GAD2: variants seen among roughly 807,000 people sequenced by gnomAD.
The protein encoded by GAD2 is glutamate decarboxylase 2, also known as 65 kDa glutamic acid decarboxylase.
Under a neutral mutation model 80.1 loss-of-function variants are expected in GAD2, and 22 were observed. The ratio of observed to expected loss-of-function variants is 0.27; its 90% confidence interval spans 0.20 to 0.39. GAD2 has a LOEUF of 0.39. Among genes scored for constraint, GAD2 ranks in the 10% least tolerant of loss-of-function variants. GAD2 has a pLI of 1.00. For synonymous variants in GAD2, 274 were observed against 256.9 expected (o/e 1.07, Z -0.64); for missense variants, 624 against 738.4 (o/e 0.85, Z 1.80).
intron 8 of GAD2, among the ~76,000 whole-genome samples, chr10:26,261,914 A>C (rs997559762): frequency 6.6e-6 from 1 of 152,214 alleles, no homozygotes; most frequent in Non-Finnish European, 1.5e-5. Flanking sequence ...AGTTGTGCTA[A>C]AAGGATTTCC....
intron 8 of GAD2, among the ~76,000 whole-genome samples, chr10:26,263,466 G>T (rs1047623118): frequency 1.3e-5 from 2 of 152,102 alleles, no homozygotes; most frequent in African/African-American, 4.8e-5. Flanking sequence ...TACCCATGTT[G>T]GTATCAGCTA....
At position 26,284,564 on chromosome 10, in the gene GAD2, C is replaced by CTTTTTT. The variant is rs35046451; in HGVS notation, c.1237-1763_1237-1758dup. On this transcript the variant is annotated intron_variant, in intron 12 of 15. Transcript: ENST00000376261. ...CAGTAATGAGACTGCGGCTGTTCAG[C>CTTTTTT]TTTTTTTTTTTTTTTTTTTTTTTGA... Among the ~76,000 whole-genome samples, 62 of 93,142 alleles carry CTTTTTT rather than the reference C, an allele frequency of 6.7e-4. 3 individuals carry two copies. The highest frequency in any genetic ancestry group is 1.9e-3 in the African/African-American group (49 of 25,490). 61.1% of individuals were successfully genotyped at this position (93,142 alleles called of 152,430 possible).
intron 15 of GAD2, among the ~76,000 whole-genome samples, chr10:26,298,415 T>C (rs1474744041): frequency 1.3e-5 from 2 of 152,230 alleles, no homozygotes. Context: ...AAAAGTCATA[T>C]GTATTTAGAC....
intron 15 of GAD2, among the ~76,000 whole-genome samples, chr10:26,299,626 A>G (rs1834308944): frequency 6.6e-6 from 1 of 152,242 alleles, no homozygotes; most frequent in Non-Finnish European, 1.5e-5. Context: ...AAAGAACAAC[A>G]ACAAAAACAG....
At chr10:26,259,234 G>A (rs1471460901) in intron 8 of GAD2, among the ~76,000 whole-genome samples, 1 of 152,182 alleles carries the variant, frequency 6.6e-6, no homozygotes, top group Non-Finnish European at 1.5e-5. Flanking sequence ...TTGAATTGCT[G>A]GATCACATGG....
chr10:26,267,469 A>C (rs977560781), intron 8 of GAD2, among the ~76,000 whole-genome samples: 2 of 152,200 alleles, frequency 1.3e-5, no homozygotes, highest in African/African-American at 4.8e-5. Context: ...AGGAGTGAGA[A>C]GCTCTCTGTG....
At chr10:26,232,738 G>A (rs1589139005) in intron 7 of GAD2, among the ~76,000 whole-genome samples, 1 of 152,068 alleles carries the variant, frequency 6.6e-6, no homozygotes, top group African/African-American at 2.4e-5. Context: ...TCTGACCTCA[G>A]GTGATCCATC....
At chr10:26,254,358 C>T (rs781730838) in intron 8 of GAD2, among the ~76,000 whole-genome samples, 2 of 152,252 alleles carry the variant, frequency 1.3e-5, no homozygotes, top group African/African-American at 2.4e-5. Context: ...CCGCAGTTCA[C>T]AGCAGGGTTC....
intron 12 of GAD2, among the ~76,000 whole-genome samples, chr10:26,281,906 C>T (rs1196966946): frequency 6.6e-6 from 1 of 152,112 alleles, no homozygotes; most frequent in East Asian, 1.9e-4. Context: ...ATAAAGCAAC[C>T]CCAGATTAAA....
At chr10:26,244,118 A>T (rs1401824618) in intron 7 of GAD2, among the ~76,000 whole-genome samples, 4 of 152,232 alleles carry the variant, frequency 2.6e-5, no homozygotes, top group Non-Finnish European at 5.9e-5. Flanking sequence ...TAAGCACATG[A>T]TGCTAAGCAC....
intron 6 of GAD2, among the ~76,000 whole-genome samples, chr10:26,226,504 AC>A (rs1461680681): frequency 6.6e-6 from 1 of 152,194 alleles, no homozygotes. Context: ...GGTCATTGCA[AC>A]CTGTTTCTGC....
intron 15 of GAD2, among the ~76,000 whole-genome samples, chr10:26,296,943 C>A (rs1451101894): frequency 6.6e-6 from 1 of 151,716 alleles, no homozygotes; most frequent in African/African-American, 2.4e-5. Flanking sequence ...AAGACAGGGT[C>A]TCACTCTGTT....
intron 8 of GAD2, among the ~76,000 whole-genome samples, chr10:26,247,522 G>A (rs1046434548): frequency 3.9e-5 from 6 of 152,120 alleles, no homozygotes; most frequent in Non-Finnish European, 7.4e-5. Flanking sequence ...ACCTCACGGG[G>A]TCCAGAAGCC....
At chr10:26,281,128 C>G (rs1450457138) in intron 12 of GAD2, 41 bp downstream of exon 12, 2 of 1,381,546 alleles carry the variant, frequency 1.4e-6, no homozygotes, top group Non-Finnish European at 1.0e-6. Context: ...CGTGCGTGGG[C>G]TTTGACTGTC....
chr10:26,235,170 G>A (rs1285881817), intron 7 of GAD2, among the ~76,000 whole-genome samples: 4 of 152,188 alleles, frequency 2.6e-5, no homozygotes, highest in Non-Finnish European at 2.9e-5. Context: ...CACTGTGCCC[G>A]GCCCCGTTAG....
rs188063501 is a variant in GAD2, at chr10:26,232,861, C to G, written c.840+3084C>G. On this transcript the variant is annotated intron_variant, in intron 7 of 15. Coordinates refer to ENST00000376261, the MANE Select transcript of GAD2 (RefSeq NM_001134366.2). Reference sequence around the variant, plus strand: ...GGCCGTATAACAACCATTTGACTCTCCCTTCTCCTTCTTGTGTCTCTATCT... The same window carrying G: ...GGCCGTATAACAACCATTTGACTCTGCCTTCTCCTTCTTGTGTCTCTATCT... Among the ~76,000 whole-genome samples, 17 of 152,306 alleles carry G rather than the reference C, an allele frequency of 1.1e-4. No homozygotes were observed. In the East Asian group the frequency reaches 3.1e-3, roughly 28 times the overall value.
chr10:26,216,899 C>A lies in GAD2; in HGVS notation c.76+14C>A, dbSNP rs562458496. The A allele has an allele frequency of 4.4e-6, 7 of 1,599,858 alleles. No homozygotes were observed. The African/African-American group carries it at 8.2e-5, about 19-fold the overall frequency. ...ATCCCGGCACAGGTAGGAAGGAGAACGGGGGCCTGCGGCGGGCGAGTTTTG... is the reference window on the plus strand; with the variant it reads ...ATCCCGGCACAGGTAGGAAGGAGAAAGGGGGCCTGCGGCGGGCGAGTTTTG... On this transcript the variant is annotated intron_variant, in intron 1 of 15. Coordinates refer to ENST00000376261, the MANE Select transcript of GAD2 (RefSeq NM_001134366.2). This position sits in a 1 kb window ranked among gnomAD's most constrained non-coding sequence, Gnocchi z 4.7.
intron 4 of GAD2, among the ~76,000 whole-genome samples, 173 bp from the exon 5 acceptor site, chr10:26,223,686 GGTGTGTGTGTGTGTGTATGTGCATGTGT>G (rs1259103352): frequency 2.7e-5 from 4 of 148,942 alleles, no homozygotes; most frequent in Admixed American, 1.3e-4. Context: ...ACGCTTTTAT[GGTGTGTGTGTGTGTGTATGTGCATGTGT>G]GTGTGTGTGT....
At chr10:26,272,981 A>G (rs1845154604) in intron 10 of GAD2, among the ~76,000 whole-genome samples, 1 of 152,258 alleles carries the variant, frequency 6.6e-6, no homozygotes, top group South Asian at 2.1e-4. Flanking sequence ...ATTTGTACAC[A>G]CAGAGGAAAG....
Sources: gnomAD v4.1 joint callset for allele counts (sites outside exome capture counted in the v4.1 genomes callset) on GRCh38, gnomAD v4.1.1 for gene constraint, Gnocchi (gnomAD v3.1) non-coding constraint, MANE v1.5 for transcripts, NCBI Gene and HGNC (gene_info 2026-07-23, HGNC 2026-07-21) for gene names.